Variants in PCDH9 observed in about 807,000 individuals in gnomAD.
The protein encoded by PCDH9 is protocadherin-9.
Under a neutral mutation model 70.6 loss-of-function variants are expected in PCDH9, and 24 were observed. The observed-to-expected ratio is 0.34, with a 90% CI of 0.25 to 0.48. PCDH9 has a LOEUF of 0.48. Among genes scored for constraint, PCDH9 ranks in the 20% least tolerant of loss-of-function variants. PCDH9 has a pLI of 0.99. For missense variants in PCDH9, 1,281 were observed against 1,503.6 expected, an observed-to-expected ratio of 0.85 and a Z score of 2.45; for synonymous variants, 562 against 558.5, an observed-to-expected ratio of 1.01 and a Z score of -0.09.
chr13:66,805,712 C>G lies in PCDH9; in HGVS notation c.3138+97792G>C, dbSNP rs867808096. On this transcript the variant is annotated intron_variant, in intron 3 of 4. Transcript: ENST00000377865. ...ATAGAACATAGAAATATTCCAATTC[C>G]GTCCTATGTCCTCATATCAAGATGA... Among the ~76,000 whole-genome samples, 9 of 152,022 alleles carry G rather than the reference C, an allele frequency of 5.9e-5. No homozygotes were observed. In the South Asian group the frequency reaches 1.5e-3, roughly 25 times the overall value.
chr13:66,529,780 C>T (rs1960369386), intron 4 of PCDH9, among the ~76,000 whole-genome samples: 1 of 150,044 alleles, frequency 6.7e-6, no homozygotes, highest in Admixed American at 6.7e-5. Context: ...ACCACAGTTA[C>T]AGAATAAAGG....
chr13:67,032,123 T>C (rs1056082221), intron 2 of PCDH9, among the ~76,000 whole-genome samples: 3 of 152,260 alleles, frequency 2.0e-5, no homozygotes, highest in Non-Finnish European at 4.4e-5. Flanking sequence ...AAATTCTAAA[T>C]GGCTTTTAAA....
intron 2 of PCDH9, among the ~76,000 whole-genome samples, chr13:66,945,621 T>G (rs1406669825): frequency 6.6e-6 from 1 of 152,208 alleles, no homozygotes; most frequent in Non-Finnish European, 1.5e-5. Flanking sequence ...AACATATTTT[T>G]TCTCTGAAAA....
chr13:67,141,586 G>C (rs1003302393), intron 2 of PCDH9, among the ~76,000 whole-genome samples: 1 of 151,900 alleles, frequency 6.6e-6, no homozygotes, highest in Non-Finnish European at 1.5e-5. Flanking sequence ...GATTACAGGT[G>C]CCTGCCACCA....
At chr13:66,402,233 A>G (rs1199586798) in intron 4 of PCDH9, among the ~76,000 whole-genome samples, 1 of 152,194 alleles carries the variant, frequency 6.6e-6, no homozygotes, top group Admixed American at 6.5e-5. Context: ...AGAAGGGAAA[A>G]CATCATTCCT....
chr13:66,752,767 T>G (rs565197456), intron 3 of PCDH9, among the ~76,000 whole-genome samples: 1 of 152,264 alleles, frequency 6.6e-6, no homozygotes, highest in Non-Finnish European at 1.5e-5. Flanking sequence ...GCATCTGAAG[T>G]GAAAAGAAGG....
chr13:67,128,858 G>A (rs2087040982), intron 2 of PCDH9, among the ~76,000 whole-genome samples: 1 of 152,022 alleles, frequency 6.6e-6, no homozygotes, highest in South Asian at 2.1e-4. Context: ...ATTTTCAGTG[G>A]TACATGAATT....
chr13:66,370,106 C>T (rs1322321856), intron 4 of PCDH9, among the ~76,000 whole-genome samples: 2 of 152,062 alleles, frequency 1.3e-5, no homozygotes, highest in African/African-American at 4.8e-5. Flanking sequence ...AGGTCCCTGA[C>T]CTCCTTTTCT....
chr13:66,609,396 A>T (rs2077263202), intron 4 of PCDH9, among the ~76,000 whole-genome samples: 2 of 152,168 alleles, frequency 1.3e-5, no homozygotes, highest in South Asian at 4.1e-4. Context: ...TTACATGGTT[A>T]TCTCCTCGTA....
At chr13:67,129,421 T>C (rs2138324011) in intron 2 of PCDH9, among the ~76,000 whole-genome samples, 1 of 152,306 alleles carries the variant, frequency 6.6e-6, no homozygotes, top group Admixed American at 6.5e-5. Context: ...TGTATGTGTA[T>C]ATTTGTGTGT....
At chr13:66,535,513 A>G (rs1960660229) in intron 4 of PCDH9, among the ~76,000 whole-genome samples, 1 of 152,098 alleles carries the variant, frequency 6.6e-6, no homozygotes, top group Non-Finnish European at 1.5e-5. Context: ...AGGTGTGAGA[A>G]AAGCAATAGC....
chr13:66,844,587 A>AG (rs1369808458), intron 3 of PCDH9, among the ~76,000 whole-genome samples: 1 of 151,354 alleles, frequency 6.6e-6, no homozygotes, highest in Non-Finnish European at 1.5e-5. Flanking sequence ...TCTGTCTCAA[A>AG]AAAAAAAAAA....
At chr13:66,462,682 C>T (rs1382414356) in intron 4 of PCDH9, among the ~76,000 whole-genome samples, 4 of 151,600 alleles carry the variant, frequency 2.6e-5, no homozygotes, top group Non-Finnish European at 4.4e-5. Flanking sequence ...GCTTGGGAAA[C>T]GCTGGGCTAT....
chr13:66,715,658 CCA>C (rs2139140013), intron 3 of PCDH9, among the ~76,000 whole-genome samples: 1 of 152,274 alleles, frequency 6.6e-6, no homozygotes, highest in Admixed American at 6.5e-5. Flanking sequence ...CTATCTGCTT[CCA>C]CAATGATCTA....
chr13:67,039,031 C>T (rs2085061692), intron 2 of PCDH9, among the ~76,000 whole-genome samples: 1 of 152,096 alleles, frequency 6.6e-6, no homozygotes, highest in Non-Finnish European at 1.5e-5. Context: ...ATATATTATG[C>T]CTATGTGACA....
At chr13:66,519,420 C>A (rs1399647764) in intron 4 of PCDH9, among the ~76,000 whole-genome samples, 1 of 152,000 alleles carries the variant, frequency 6.6e-6, no homozygotes, top group African/African-American at 2.4e-5. Context: ...TCAAACTGAC[C>A]ATCAACGGAA....
chr13:66,554,891 C>T lies in PCDH9; in HGVS notation c.3340+76319G>A, dbSNP rs190411075. Among the ~76,000 whole-genome samples, 508 of 152,164 alleles carry T rather than the reference C, an allele frequency of 3.3e-3. 1 individual carries two copies. The highest frequency in any genetic ancestry group is 4.4e-3 in the Non-Finnish European group (300 of 68,010). ...CCATTTAAAAAATGCTTCTTGCGGC[C>T]GGGCATGGTGTCTCACGCCTGTAAT... On this transcript the variant is annotated intron_variant, in intron 4 of 4. Transcript: ENST00000377865.
chr13:66,651,165 GA>G (rs71106985), intron 3 of PCDH9, among the ~76,000 whole-genome samples: 1 of 149,022 alleles, frequency 6.7e-6, no homozygotes, highest in African/African-American at 2.5e-5. Flanking sequence ...GTTAGTAGAA[GA>G]AAAAAAATAA....
chr13:67,073,870 G>T (rs1431420132), intron 2 of PCDH9, among the ~76,000 whole-genome samples: 6 of 151,938 alleles, frequency 3.9e-5, no homozygotes, highest in Admixed American at 3.3e-4. Flanking sequence ...ATAAAATGAG[G>T]TACTTCTACT....
Sources: gnomAD v4.1 joint callset for allele counts (sites outside exome capture counted in the v4.1 genomes callset) on GRCh38, gnomAD v4.1.1 for gene constraint, MANE v1.5 for transcripts, NCBI Gene and HGNC (gene_info 2026-07-23, HGNC 2026-07-21) for gene names.